SEMA4B: variants seen among roughly 807,000 people sequenced by gnomAD.
SEMA4B encodes the protein semaphorin 4B, also known as semaphorin-4B.
SEMA4B carries 55 observed loss-of-function variants against 88.1 expected under a neutral mutation model. That is an observed-to-expected ratio of 0.62 (90% CI 0.50 to 0.78). The LOEUF is 0.78. SEMA4B is among the 30% of genes least tolerant of loss of function. SEMA4B has a pLI of 0.00. For synonymous variants in SEMA4B, 525 were observed against 473.6 expected (o/e 1.11, Z -1.41); for missense variants, 1,062 against 1,111.9 (o/e 0.96, Z 0.64).
Position 90,185,324 on chromosome 15 carries a change from A to G in SEMA4B, c.-122+243A>G, listed in dbSNP as rs1347510406. On this transcript the variant is annotated intron_variant, in intron 1 of 14. Transcript: ENST00000332496. ...CCATGGCCACCGGGGGCCTTTGAGC[A>G]GCGTTCACATCGCGCCAGTGCACCA... is the stretch of plus-strand genomic sequence containing the variant. Among the ~76,000 whole-genome samples, 4 of 152,344 alleles carry G rather than the reference A, an allele frequency of 2.6e-5. No individual in the cohort carries two copies. The Middle Eastern group carries it at 0.01, about 389-fold the overall frequency.
At chr15:90,195,536 G>A (rs1960472774) in intron 1 of SEMA4B, among the ~76,000 whole-genome samples, 1 of 152,160 alleles carries the variant, frequency 6.6e-6, no homozygotes, top group Admixed American at 6.6e-5. Context: ...GTCTGATTGT[G>A]TTTTCATTGT....
intron 1 of SEMA4B, among the ~76,000 whole-genome samples, chr15:90,203,528 G>A (rs1960844999): frequency 6.6e-6 from 1 of 152,186 alleles, no homozygotes; most frequent in African/African-American, 2.4e-5. Flanking sequence ...AGGCAAAACT[G>A]GAGAGCAGCG....
chr15:90,219,147 A>G (rs1396877785), intron 3 of SEMA4B: 5 of 152,312 alleles, frequency 3.3e-5, no homozygotes, highest in African/African-American at 4.8e-5. Context: ...GGCTCGGACC[A>G]GTGAGAAATG....
rs975760163 is a variant in SEMA4B at position 90,223,758 on chromosome 15, C to T, written c.1043+18C>T. ...TCCCAGTGGTAGGGCCTCCAGACCT[C>T]GCTGGAGATGGAAGGGTGAAGGGTG... is the stretch of plus-strand genomic sequence containing the variant. On this transcript the variant is annotated intron_variant, in intron 8 of 13. Transcript: ENST00000411539. 3.2e-5 allele frequency: 51 copies of T among 1,603,002 alleles called. No individual in the cohort carries two copies. Among genetic ancestry groups the T allele is most frequent in the Non-Finnish European group, 3.8e-5 (45 of 1,171,634 alleles).
intron 3 of SEMA4B, among the ~76,000 whole-genome samples, chr15:90,218,516 AGT>A (rs1961645745): frequency 6.6e-6 from 1 of 152,244 alleles, no homozygotes; most frequent in Non-Finnish European, 1.5e-5. Flanking sequence ...GGCTTGGCAC[AGT>A]GGCTCACGCC....
At chr15:90,214,822 T>C (rs891857836) in intron 1 of SEMA4B, 3 of 341,622 alleles carry the variant, frequency 8.8e-6, no homozygotes, top group Non-Finnish European at 1.7e-5. Context: ...GAATTTTTAC[T>C]TCCTTGCTGA....
At chr15:90,220,788 G>A (rs182542216) in intron 4 of SEMA4B, among the ~76,000 whole-genome samples, 194 bp from the exon 5 acceptor site, 7 of 152,302 alleles carry the variant, frequency 4.6e-5, no homozygotes, top group Admixed American at 3.9e-4. Flanking sequence ...TCCTGAGGCC[G>A]ACTGTCCAGG....
intron 12 of SEMA4B, among the ~76,000 whole-genome samples, chr15:90,226,949 A>T (rs1207587288): frequency 1.3e-5 from 2 of 152,228 alleles, no homozygotes; most frequent in African/African-American, 2.4e-5. Flanking sequence ...ATGAGAACAC[A>T]TCAAAAAAAA....
chr15:90,213,090 G>A (rs1481597879), intron 1 of SEMA4B, among the ~76,000 whole-genome samples: 2 of 152,230 alleles, frequency 1.3e-5, no homozygotes, highest in Non-Finnish European at 1.5e-5. Flanking sequence ...TAGCAAAGCT[G>A]TCTCAGTAAA....
intron 1 of SEMA4B, among the ~76,000 whole-genome samples, chr15:90,206,302 T>C (rs1300586545): frequency 6.6e-6 from 1 of 152,184 alleles, no homozygotes; most frequent in Non-Finnish European, 1.5e-5. Flanking sequence ...GCGAGACTCC[T>C]GTGGTCGAGG....
At chr15:90,197,166 C>G (rs533717396), upstream of SEMA4B, among the ~76,000 whole-genome samples, 1 of 151,990 alleles carries the variant, frequency 6.6e-6, no homozygotes, top group East Asian at 2.0e-4. Flanking sequence ...GTGGGCAGAT[C>G]GCTTGAGTCC....
chr15:90,187,658 T>C (rs1228140643), intron 1 of SEMA4B, among the ~76,000 whole-genome samples: 1 of 152,188 alleles, frequency 6.6e-6, no homozygotes, highest in Admixed American at 6.5e-5. Context: ...TCTGCCAAGT[T>C]GGCCGTGGCC....
chr15:90,223,179 A>G (rs1162145261), intron 7 of SEMA4B, among the ~76,000 whole-genome samples: 2 of 151,888 alleles, frequency 1.3e-5, no homozygotes, highest in Non-Finnish European at 2.9e-5. Context: ...TCCTGAGCTC[A>G]AGTGATCCAC....
At chr15:90,188,971 G>A (rs942109964) in intron 1 of SEMA4B, among the ~76,000 whole-genome samples, 1 of 152,122 alleles carries the variant, frequency 6.6e-6, no homozygotes, top group Non-Finnish European at 1.5e-5. Context: ...GCCCAGCCAG[G>A]ATGAATATTC....
At position 90,225,141 on chromosome 15, in the gene SEMA4B, C is replaced by T; in HGVS notation, c.1368C>T (p.Gly456=). ...GCGTGGCTGTACACCGCGTCCCTGG[C>T]CTGCACCACACCTACGATGTCCTCT... ...YQRVAVHRVP[G]LHHTYDVLFL... Residue 456 remains glycine, a synonymous_variant, in exon 10 of 14, where the codon GGC becomes GGT. Transcript: ENST00000411539. 6.2e-7 allele frequency: 1 copy of T among 1,612,604 alleles called. No individual in the cohort carries two copies. Among genetic ancestry groups the T allele is most frequent in the Non-Finnish European group, 8.5e-7 (1 of 1,179,410 alleles).
chr15:90,222,710 A>G (rs778458116), intron 7 of SEMA4B, among the ~76,000 whole-genome samples: 2 of 152,154 alleles, frequency 1.3e-5, no homozygotes, highest in Non-Finnish European at 2.9e-5. Flanking sequence ...ATCTTGGGCA[A>G]GTCCCTCACC....
chr15:90,211,252 T>C (rs1382779859), intron 1 of SEMA4B, among the ~76,000 whole-genome samples: 3 of 152,174 alleles, frequency 2.0e-5, no homozygotes, highest in Non-Finnish European at 4.4e-5. Context: ...GCACAGGCCC[T>C]AGGTCGGGAC....
intron 1 of SEMA4B, chr15:90,215,072 T>A: frequency 9.4e-7 from 1 of 1,058,758 alleles, no homozygotes; most frequent in Non-Finnish European, 1.2e-6. Context: ...ACTGGTCCGC[T>A]ACAACGTGCC....
intron 1 of SEMA4B, among the ~76,000 whole-genome samples, chr15:90,189,279 G>A (rs181592680): frequency 2.1e-4 from 32 of 152,290 alleles, no homozygotes; most frequent in African/African-American, 6.5e-4. Flanking sequence ...AGAGGTGGAT[G>A]GCTATAACTT....
Sources: gnomAD v4.1 joint callset for allele counts (sites outside exome capture counted in the v4.1 genomes callset) on GRCh38, gnomAD v4.1.1 for gene constraint, MANE v1.5 for transcripts, NCBI Gene and HGNC (gene_info 2026-07-23, HGNC 2026-07-21) for gene names.